Variants in LAMA2 observed in about 807,000 individuals in gnomAD.
LAMA2 encodes laminin subunit alpha 2, also known as laminin subunit alpha-2.
Under a neutral mutation model 364.8 loss-of-function variants are expected in LAMA2, and 269 were observed. That is an observed-to-expected ratio of 0.74 (90% CI 0.67 to 0.82). The LOEUF (loss-of-function observed/expected upper bound fraction) is 0.82, where lower values mean the gene tolerates loss of function less well. LAMA2 is among the 40% of genes least tolerant of loss of function. LAMA2 has a pLI of 0.00. For synonymous variants in LAMA2, 1,379 were observed against 1,370.6 expected (o/e 1.01, Z -0.14); for missense variants, 3,807 against 3,873.2 (o/e 0.98, Z 0.45).
intron 6 of LAMA2, among the ~76,000 whole-genome samples, chr6:129,147,377 T>A (rs968015180): frequency 2.0e-5 from 3 of 150,300 alleles, no homozygotes; most frequent in Non-Finnish European, 4.4e-5. Flanking sequence ...TCAATCAACC[T>A]GACCATTTCT....
intron 4 of LAMA2, among the ~76,000 whole-genome samples, chr6:129,137,255 GAA>G (rs751190269): frequency 1.4e-5 from 2 of 140,408 alleles, no homozygotes; most frequent in East Asian, 2.0e-4. Context: ...GTGACAGTAG[GAA>G]AAAAAAAAAA....
chr6:129,125,448 A>T (rs191508768), intron 4 of LAMA2, among the ~76,000 whole-genome samples: 2 of 152,342 alleles, frequency 1.3e-5, no homozygotes, highest in Non-Finnish European at 2.9e-5. Flanking sequence ...GCTCTAAGGA[A>T]CATCTACCTT....
chr6:129,171,303 T>C (rs1583181390), intron 9 of LAMA2, among the ~76,000 whole-genome samples: 1 of 152,358 alleles, frequency 6.6e-6, no homozygotes, highest in East Asian at 1.9e-4. Context: ...GCTTTTGCAG[T>C]GGCTGGTACT....
intron 28 of LAMA2, among the ~76,000 whole-genome samples, chr6:129,325,676 T>C (rs1775235456): frequency 6.6e-6 from 1 of 152,084 alleles, no homozygotes; most frequent in South Asian, 2.1e-4. Flanking sequence ...ATGTTAAAAC[T>C]GAAAGACACT....
intron 15 of LAMA2, among the ~76,000 whole-genome samples, chr6:129,262,209 T>C (rs1376421119): frequency 3.3e-5 from 5 of 152,156 alleles, no homozygotes; most frequent in Non-Finnish European, 7.4e-5. Context: ...ATTCTAGATA[T>C]GTTTGATAAA....
intron 58 of LAMA2, 47 bp downstream of exon 58, chr6:129,492,530 T>G (rs761502397): frequency 2.0e-6 from 3 of 1,524,570 alleles, no homozygotes; most frequent in Non-Finnish European, 2.7e-6. Flanking sequence ...TTACCCAGTA[T>G]TCTGAGTCAT....
At chr6:129,055,912 G>A (rs565705381) in intron 2 of LAMA2, among the ~76,000 whole-genome samples, 6 of 152,276 alleles carry the variant, frequency 3.9e-5, no homozygotes, top group South Asian at 2.1e-4. Context: ...CCAACAATTC[G>A]TCAGTATTTG....
intron 12 of LAMA2, among the ~76,000 whole-genome samples, chr6:129,239,885 A>T (rs149528651): frequency 1.3e-5 from 2 of 152,140 alleles, no homozygotes; most frequent in African/African-American, 4.8e-5. Flanking sequence ...TGATGTATAT[A>T]TGAAGGGGAG....
At chr6:129,345,004 AG>A (rs1489692088) in intron 30 of LAMA2, among the ~76,000 whole-genome samples, 3 of 152,174 alleles carry the variant, frequency 2.0e-5, no homozygotes, top group African/African-American at 7.2e-5. Context: ...GAAGGTTGCA[AG>A]GGGTCAGAAG....
At chr6:129,344,882 A>G (rs1776459314) in intron 30 of LAMA2, among the ~76,000 whole-genome samples, 1 of 152,206 alleles carries the variant, frequency 6.6e-6, no homozygotes, top group Admixed American at 6.5e-5. Flanking sequence ...AAGCACATAG[A>G]AGCCAATAAC....
intron 2 of LAMA2, among the ~76,000 whole-genome samples, chr6:129,052,869 T>C (rs1365111340): frequency 6.6e-6 from 1 of 152,176 alleles, no homozygotes; most frequent in Non-Finnish European, 1.5e-5. Context: ...TTGGAGCTGG[T>C]TAAAGAGAGG....
At chr6:129,096,202 T>A (rs575337404) in intron 3 of LAMA2, among the ~76,000 whole-genome samples, 1 of 152,224 alleles carries the variant, frequency 6.6e-6, no homozygotes, top group Non-Finnish European at 1.5e-5. Flanking sequence ...TTATGAATAA[T>A]ACCTAAAAAT....
At chr6:129,024,088 A>G (rs915704949) in intron 1 of LAMA2, among the ~76,000 whole-genome samples, 5 of 152,146 alleles carry the variant, frequency 3.3e-5, no homozygotes, top group African/African-American at 1.2e-4. Context: ...TTTAACAAGT[A>G]TCTGGGAAAA....
Position 128,887,611 on chromosome 6 carries a change from G to T in LAMA2, c.112+4254G>T, listed in dbSNP as rs141529404. ...GGGCTGGGCAAGGTGGCTCACTCCT[G>T]TAATCGCAGCACTTTGGGAGGCCTA... On this transcript the variant is annotated intron_variant, in intron 1 of 64. Coordinates refer to ENST00000421865, the MANE Select transcript of LAMA2 (RefSeq NM_000426.4). Among the ~76,000 whole-genome samples the T allele has an allele frequency of 7.5e-3, 1,143 of 152,204 alleles. 14 individuals are homozygous for T. The highest frequency in any genetic ancestry group is 0.026 in the African/African-American group (1,093 of 41,518).
intron 53 of LAMA2, among the ~76,000 whole-genome samples, chr6:129,476,745 T>C (rs1784084359): frequency 6.6e-6 from 1 of 152,154 alleles, no homozygotes; most frequent in Non-Finnish European, 1.5e-5. Flanking sequence ...CTGTGCATTA[T>C]GCAAGAAAAA....
chr6:129,330,811 A>T (rs768195600), intron 29 of LAMA2, among the ~76,000 whole-genome samples: 44 of 149,862 alleles, frequency 2.9e-4, no homozygotes, highest in Middle Eastern at 3.5e-3. Context: ...TCCTTTACTT[A>T]TTTTTTACTC....
rs191898570 is a variant in LAMA2 at position 129,229,336 on chromosome 6, G to A, written c.1783-20776G>A. Reference sequence around the variant, plus strand: ...AGTTATGTGGGTATCTGGAGCAAGAGCATCTTAGGACAAAGAGAAAGTAAG... The same window carrying A: ...AGTTATGTGGGTATCTGGAGCAAGAACATCTTAGGACAAAGAGAAAGTAAG... On this transcript the variant is annotated intron_variant, in intron 12 of 64. Transcript: ENST00000421865. 1.5e-4 allele frequency among the ~76,000 whole-genome samples: 23 copies of A among 152,248 alleles called. No homozygotes were observed. In the East Asian group the frequency reaches 4.3e-3, roughly 28 times the overall value.
At position 129,454,179 on chromosome 6, in the gene LAMA2, C is replaced by T. The variant is rs568648664; in HGVS notation, c.6598C>T (p.Arg2200Cys). The change falls in exon 47 of 65, where the codon CGT (arginine) becomes TGT (cysteine). Residue 2200 changes from arginine to cysteine, a missense_variant. Coordinates refer to ENST00000421865, the MANE Select transcript of LAMA2 (RefSeq NM_000426.4). ...GATTGACTTTCTGGCTATAGAAATG[C>T]GTAAAGGCAAAGTCAGCTTCCTCTG... The part of the protein sequence containing the change: ...KFIDFLAIEM[R>C]KGKVSFLWDV... 5.5e-5 allele frequency: 88 copies of T among 1,612,094 alleles called. No individual in the cohort carries two copies. Among genetic ancestry groups the T allele is most frequent in the Admixed American group, 2.0e-4 (12 of 59,958 alleles).
chr6:128,924,247 G>A (rs1385699960), intron 1 of LAMA2, among the ~76,000 whole-genome samples: 1 of 152,004 alleles, frequency 6.6e-6, no homozygotes, highest in Non-Finnish European at 1.5e-5. Context: ...TGTGATGTAT[G>A]TATACATAGC....
Sources: allele counts gnomAD v4.1 joint callset (sites outside exome capture counted in the v4.1 genomes callset), GRCh38; gene constraint gnomAD v4.1.1; transcripts MANE v1.5; gene names NCBI Gene and HGNC (gene_info 2026-07-23, HGNC 2026-07-21).